The following SCRN2 variants were observed in gnomAD, a reference collection of about 807,000 sequenced individuals.
SCRN2 encodes the protein secernin 2.
Under a neutral mutation model 40.1 loss-of-function variants are expected in SCRN2, and 30 were observed. The observed-to-expected ratio is 0.75, with a 90% CI of 0.56 to 1.01. SCRN2 has a LOEUF of 1.01. SCRN2 is among the 50% of genes least tolerant of loss of function. The pLI is 0.00. For missense variants in SCRN2, 526 were observed against 564.9 expected, an observed-to-expected ratio of 0.93 and a Z score of 0.70; for synonymous variants, 240 against 233.5, an observed-to-expected ratio of 1.03 and a Z score of -0.25.
Position 47,841,196 on chromosome 17 carries a change from T to G in SCRN2, c.-1+12A>C. On this transcript the variant is annotated intron_variant, in intron 1 of 7. Coordinates refer to ENST00000290216, the MANE Select transcript of SCRN2 (RefSeq NM_138355.4). ...AACCCTTCTCTCACCCCCAGTACTG[T>G]ATTCCCCTCACCCTCTCTTCCTCCA... 37 of 182,260 alleles carry G rather than the reference T, an allele frequency of 2.0e-4. No homozygotes were observed. The highest frequency in any genetic ancestry group is 2.1e-3 in the Middle Eastern group (1 of 476). The allele number at this position is 182,260 out of a possible 1,614,324, so 11.3% of individuals were successfully genotyped here.
Position 47,840,371 on chromosome 17 carries a change from C to T in SCRN2, c.176G>A (p.Cys59Tyr). 1 of 1,613,730 alleles carries T rather than the reference C, an allele frequency of 6.2e-7. No individual in the cohort carries two copies. ...CACCTGTTCCACTTCAATGTAGGTG[C>T]ACTGGAGGTGAGGGAGGAGAAAGGA... ...GTHTPGSRLQ[C>Y]TYIEVEQVSK... The change falls in exon 3 of 8, where the codon TGC (cysteine) becomes TAC (tyrosine). Residue 59 changes from cysteine (C) to tyrosine (Y), a missense_variant and splice_region_variant. By Grantham distance (194) the Cys-to-Tyr change is radical. Transcript: ENST00000290216.
At position 47,839,535 on chromosome 17, in the gene SCRN2, G is replaced by A; in HGVS notation, c.465C>T (p.Phe155=). ...GGNCLEDAAP[F]SYHSTFLLAD... Reference sequence around the variant, plus strand: ...CCAGCAGGAAGGTGCTATGGTAGGAGAATGGCGCAGCATCCTCCAGGCAGT... The same window carrying A: ...CCAGCAGGAAGGTGCTATGGTAGGAAAATGGCGCAGCATCCTCCAGGCAGT... The change falls in exon 4 of 8, where the codon TTC becomes TTT. Residue 155 remains phenylalanine, a synonymous_variant. Transcript: ENST00000290216. 6.2e-7 allele frequency: 1 copy of A among 1,614,026 alleles called. No individual in the cohort carries two copies. Among genetic ancestry groups the A allele is most frequent in the Non-Finnish European group, 8.5e-7 (1 of 1,180,056 alleles).
rs1332230108 is a variant in SCRN2, at chr17:47,838,668, GCCCATCAT to G, written c.793_800del (p.Met265HisfsTer204). 2 of 1,614,060 alleles carry G rather than the reference GCCCATCAT, an allele frequency of 1.2e-6. No individual in the cohort carries two copies. Among genetic ancestry groups the G allele is most frequent in the East Asian group, 4.5e-5 (2 of 44,876 alleles). The stretch of plus-strand genomic sequence containing the variant: ...TACCACTCTCCTTGTCTCTGAGGAT[GCCCATCAT>G]CACCTCTGCCGTGATGCCCCCTGCC... On this transcript the variant is annotated frameshift_variant, in exon 6 of 8. Coordinates refer to ENST00000290216, the MANE Select transcript of SCRN2 (RefSeq NM_138355.4). LOFTEE classifies it high-confidence loss of function.
At chr17:47,840,142 C>A (rs771095607) in intron 3 of SCRN2, 49 bp downstream of exon 3, 11 of 1,570,820 alleles carry the variant, frequency 7.0e-6, no homozygotes, top group Non-Finnish European at 7.8e-6. Flanking sequence ...AAAACTCAGC[C>A]CCTAGATTTC....
Position 47,839,573 on chromosome 17 carries a change from C to A in SCRN2, c.427G>T (p.Gly143Trp). The change falls in exon 4 of 8, where the codon GGG becomes TGG. Residue 143 changes from glycine to tryptophan, a missense_variant. Transcript: ENST00000290216. ...TCCTCCAGGCAGTTGCCCCCCTGCC[C>A]ATAGTGCTCCAGTAACCCTGTGATC... ...HVITGLLEHY[G>W]QGGNCLEDAA... 1.2e-6 allele frequency: 2 copies of A among 1,614,092 alleles called. No individual in the cohort carries two copies. The highest frequency in any genetic ancestry group is 1.7e-6 in the Non-Finnish European group (2 of 1,180,056).
At position 47,839,513 on chromosome 17, in the gene SCRN2, G is replaced by T. The variant is rs1219238222; in HGVS notation, c.487C>A (p.Leu163Met). Reference protein sequence around the residue: ...APFSYHSTFLLADRTEAWVLE... With the variant: ...APFSYHSTFLMADRTEAWVLE... ...ACCCACGCCTCAGTGCGGTCAGCCA[G>T]CAGGAAGGTGCTATGGTAGGAGAAT... The change falls in exon 4 of 8, where the codon CTG (leucine) becomes ATG (methionine). Residue 163 changes from leucine (L) to methionine (M), a missense_variant. By Grantham distance (15) the Leu-to-Met change is conservative. Coordinates refer to ENST00000290216, the MANE Select transcript of SCRN2 (RefSeq NM_138355.4). The T allele has an allele frequency of 1.2e-6, 2 of 1,613,954 alleles. No individual in the cohort carries two copies. The highest frequency in any genetic ancestry group is 3.3e-5 in the Admixed American group (2 of 60,030).
intron 3 of SCRN2, 22 bp from the exon 4 acceptor site, chr17:47,839,665 GGACAGAAGGGT>G (rs1567956954): frequency 1.2e-6 from 2 of 1,613,114 alleles, no homozygotes; most frequent in South Asian, 2.2e-5. Flanking sequence ...GAGGGCCAAG[GGACAGAAGGGT>G]GACAGAGGGA....
intron 4 of SCRN2, 21 bp downstream of exon 4, chr17:47,839,423 G>T: frequency 6.2e-7 from 1 of 1,609,382 alleles, no homozygotes; most frequent in Non-Finnish European, 8.5e-7. Flanking sequence ...TCCCAAAGCT[G>T]GGAGAAAGGG....
chr17:47,839,379 C>A, intron 4 of SCRN2, 65 bp downstream of exon 4: 1 of 1,531,284 alleles, frequency 6.5e-7, no homozygotes, highest in Non-Finnish European at 8.9e-7. Context: ...GCACCTGGAT[C>A]GGGCCCCTCC....
Position 47,840,343 on chromosome 17 carries a change from C to T in SCRN2, c.204G>A (p.Ser68=), listed in dbSNP as rs1452870624. 3.7e-6 allele frequency: 6 copies of T among 1,614,150 alleles called. No individual in the cohort carries two copies. Among genetic ancestry groups the T allele is most frequent in the South Asian group, 2.2e-5 (2 of 91,090 alleles). Residue 68 remains serine, a synonymous_variant, in exon 3 of 8, where the codon TCG becomes TCA. Transcript: ENST00000290216. ...GGCTCAGAATCACAGCGTGCGTCTT[C>T]GACACCTGTTCCACTTCAATGTAGG... ...QCTYIEVEQV[S]KTHAVILSRP...
At chr17:47,840,912 C>T (rs1452135515) in intron 1 of SCRN2, 69 bp from the exon 2 acceptor site, 1 of 1,353,896 alleles carries the variant, frequency 7.4e-7, no homozygotes, top group African/African-American at 1.5e-5. Flanking sequence ...TACCCCCACA[C>T]GTGTAAAAGA....
At chr17:47,838,224 G>C (rs1194588360) in intron 7 of SCRN2, 46 bp downstream of exon 7, 1 of 1,571,638 alleles carries the variant, frequency 6.4e-7, no homozygotes. Context: ...GGGAGTGGGG[G>C]AGGTCTATCA....
rs781535317 is a variant in SCRN2, at chr17:47,838,536, T to C, written c.933A>G (p.Pro311=). 5 of 1,613,844 alleles carry C rather than the reference T, an allele frequency of 3.1e-6. No homozygotes were observed. Among genetic ancestry groups the C allele is most frequent in the Non-Finnish European group, 4.2e-6 (5 of 1,179,986 alleles). Reference sequence around the variant, plus strand: ...CCCACCCTCATTCTTCCCACCTGGATGGGTCTGGCGTGGCGGTAAGAAAGT... The same window carrying C: ...CCCACCCTCATTCTTCCCACCTGGACGGGTCTGGCGTGGCGGTAAGAAAGT... The part of the protein sequence containing the change: ...CVHFLTATPD[P]SRSVFKPFIF... Residue 311 remains proline (P), a synonymous_variant, in exon 6 of 8, where the codon CCA becomes CCG. Transcript: ENST00000290216.
rs766993868 is a variant in SCRN2 at position 47,837,821 on chromosome 17, C to T, written c.*23G>A. 42 of 1,581,832 alleles carry T rather than the reference C, an allele frequency of 2.7e-5. No individual in the cohort carries two copies. In the East Asian group the frequency reaches 9.0e-4, roughly 34 times the overall value. ...GGCCCCAGGGGTCCTGGGTCCACCCCAGGCCAGCAGAAGCTATGAAGCTTA... is the reference window on the plus strand; with the variant it reads ...GGCCCCAGGGGTCCTGGGTCCACCCTAGGCCAGCAGAAGCTATGAAGCTTA... On this transcript the variant is annotated 3_prime_UTR_variant, in exon 8 of 8. Coordinates refer to ENST00000290216, the MANE Select transcript of SCRN2 (RefSeq NM_138355.4).
At position 47,837,848 on chromosome 17, in the gene SCRN2, G is replaced by C. The variant is rs142116967; in HGVS notation, c.1274C>G (p.Ala425Gly). 3 of 1,598,628 alleles carry C rather than the reference G, an allele frequency of 1.9e-6. No homozygotes were observed. The highest frequency in any genetic ancestry group is 2.5e-6 in the Non-Finnish European group (3 of 1,179,056). ...GGCCAGCAGAAGCTATGAAGCTTAC[G>C]CATAAGCCTGGCTCTCCCTCTTCAC... ...AFVKRESQAY[A>G] Residue 425 changes from alanine (A) to glycine (G), a missense_variant, in exon 8 of 8, where the codon GCG becomes GGG. Physicochemically the swap from Ala to Gly is moderately conservative, Grantham distance 60. Transcript: ENST00000290216.
Position 47,838,958 on chromosome 17 carries a change from G to T in SCRN2, c.605C>A (p.Ser202Ter), listed in dbSNP as rs149653266. Residue 202 changes from serine (S) to a stop codon, truncating the protein, a stop_gained, in exon 5 of 8, where the codon TCG (serine) becomes TAG (stop). Transcript: ENST00000290216. LOFTEE classifies it high-confidence loss of function. Reference protein sequence around the residue: ...SNQLSIGTDISAQHPELRTHA... With the variant: ...SNQLSIGTDI Reference sequence around the variant, plus strand: ...AGTCCGCAGCTCCGGGTGTTGGGCCGAGATGTCCGTGCCAATGCTCAGCTG... The same window carrying T: ...AGTCCGCAGCTCCGGGTGTTGGGCCTAGATGTCCGTGCCAATGCTCAGCTG... 1 of 1,614,060 alleles carries T rather than the reference G, an allele frequency of 6.2e-7. No individual in the cohort carries two copies. The highest frequency in any genetic ancestry group is 1.7e-5 in the Admixed American group (1 of 60,030).
chr17:47,837,733 G>A lies in SCRN2; in HGVS notation c.*111C>T, dbSNP rs987607878. On this transcript the variant is annotated 3_prime_UTR_variant, in exon 8 of 8. Transcript: ENST00000290216. Reference sequence around the variant, plus strand: ...TATTAAGGCAAAGGCCAAGCTGGCCGCTCAGAACATGGCCAAGGAGCGTGA... The same window carrying A: ...TATTAAGGCAAAGGCCAAGCTGGCCACTCAGAACATGGCCAAGGAGCGTGA... 1.6e-5 allele frequency: 21 copies of A among 1,296,212 alleles called. No individual in the cohort carries two copies. Among genetic ancestry groups the A allele is most frequent in the African/African-American group, 6.2e-5 (4 of 64,996 alleles). 80.3% of individuals were successfully genotyped at this position (1,296,212 alleles called of 1,614,324 possible).
intron 3 of SCRN2, 69 bp from the exon 4 acceptor site, chr17:47,839,712 G>A: frequency 6.4e-7 from 1 of 1,564,542 alleles, no homozygotes; most frequent in Non-Finnish European, 8.8e-7. Context: ...AGAAGCTCCA[G>A]GGGACAGAAG....
At chr17:47,840,504 G>T in intron 2 of SCRN2, 132 bp from the exon 3 acceptor site, 1 of 1,244,286 alleles carries the variant, frequency 8.0e-7, no homozygotes, top group Non-Finnish European at 1.1e-6. Context: ...AGGAAACTGA[G>T]GTAGACTGAG....
Sources: gnomAD v4.1 joint callset for allele counts on GRCh38, gnomAD v4.1.1 for gene constraint, MANE v1.5 for transcripts, NCBI Gene and HGNC (gene_info 2026-07-23, HGNC 2026-07-21) for gene names.